Variants in DIAPH2 observed in about 807,000 individuals in gnomAD.
DIAPH2 encodes the protein diaphanous related formin 2, also known as protein diaphanous homolog 2.
DIAPH2 carries 35 observed loss-of-function variants against 92.7 expected under a neutral mutation model. The observed-to-expected ratio is 0.38, with a 90% CI of 0.29 to 0.50. DIAPH2 has a LOEUF of 0.50. Ranked by LOEUF, DIAPH2 falls within the 20% of genes least tolerant of loss-of-function variation. The pLI, the probability that DIAPH2 is intolerant of heterozygous loss-of-function variation, is 0.94. For synonymous variants in DIAPH2, 301 were observed against 280.4 expected, an observed-to-expected ratio of 1.07 and a Z score of -0.73; for missense variants, 701 against 819.5, an observed-to-expected ratio of 0.86 and a Z score of 1.77.
intron 23 of DIAPH2, among the ~76,000 whole-genome samples, chrX:97,298,219 G>C (rs1336993503): frequency 9.6e-6 from 1 of 104,537 alleles, no homozygotes; most frequent in African/African-American, 3.5e-5. Flanking sequence ...AGCAAAAACG[G>C]TATAAGTTTT....
Position 97,000,609 on chromosome X carries a change from A to G in DIAPH2, c.2050+35402A>G, listed in dbSNP as rs180700687. ...CAACATAGCAAGATGCCACCCCCAC[A>G]TACAAATGAATACACACACACACAC... On this transcript the variant is annotated intron_variant, in intron 17 of 26. Transcript: ENST00000324765. 4.2e-3 allele frequency among the ~76,000 whole-genome samples: 410 copies of G among 96,502 alleles called. 4 individuals carry two copies. Among genetic ancestry groups the G allele is most frequent in the African/African-American group, 0.014 (403 of 28,651 alleles). The allele number at this position is 96,502 out of a possible 115,157, so 83.8% of individuals were successfully genotyped here.
intron 4 of DIAPH2, among the ~76,000 whole-genome samples, chrX:96,777,834 T>G (rs1245546271): frequency 9.0e-6 from 1 of 111,669 alleles, no homozygotes; most frequent in African/African-American, 3.2e-5. Flanking sequence ...ATACCTTTAT[T>G]AAAGAAATTG....
intron 23 of DIAPH2, among the ~76,000 whole-genome samples, chrX:97,267,593 A>G (rs1418652475): frequency 9.0e-6 from 1 of 111,542 alleles, no homozygotes; most frequent in African/African-American, 3.3e-5. Flanking sequence ...TAACTTTTCA[A>G]CTTCTCAGAC....
chrX:97,126,077 TA>T (rs746622324), intron 21 of DIAPH2, among the ~76,000 whole-genome samples: 100 of 112,206 alleles, frequency 8.9e-4, no homozygotes, highest in African/African-American at 2.4e-3. Context: ...TTTCTGAGTA[TA>T]ATCTTATGAC....
intron 4 of DIAPH2, among the ~76,000 whole-genome samples, chrX:96,774,922 T>G (rs1185131236): frequency 8.9e-6 from 1 of 112,370 alleles, no homozygotes; most frequent in Non-Finnish European, 1.9e-5. Flanking sequence ...TCTCTACATA[T>G]TCACAATTCC....
At chrX:96,995,389 A>C (rs966003839) in intron 17 of DIAPH2, among the ~76,000 whole-genome samples, 1 of 111,746 alleles carries the variant, frequency 8.9e-6, no homozygotes, top group African/African-American at 3.3e-5. Flanking sequence ...ATGAATTGTT[A>C]AATCCTATTG....
chrX:97,460,934 C>G (rs1172253263), intron 26 of DIAPH2, among the ~76,000 whole-genome samples: 1 of 112,217 alleles, frequency 8.9e-6, no homozygotes, highest in East Asian at 2.8e-4. Flanking sequence ...TCGAATAGTT[C>G]GCTTGACCTT....
chrX:97,380,609 T>C (rs1426855590), intron 24 of DIAPH2, among the ~76,000 whole-genome samples: 1 of 111,811 alleles, frequency 8.9e-6, no homozygotes, highest in African/African-American at 3.2e-5. Context: ...TTTACATTTT[T>C]AGAAGGGTTA....
At chrX:97,441,547 G>A (rs1032511483) in intron 26 of DIAPH2, among the ~76,000 whole-genome samples, 2 of 111,973 alleles carry the variant, frequency 1.8e-5, no homozygotes, top group Non-Finnish European at 3.8e-5. Context: ...GCCAGGCGCA[G>A]TGGCTCACGC....
At chrX:96,796,085 A>G (rs1044741671) in intron 4 of DIAPH2, among the ~76,000 whole-genome samples, 1 of 112,190 alleles carries the variant, frequency 8.9e-6, no homozygotes, top group Admixed American at 9.4e-5. Flanking sequence ...CAAAGCCCCC[A>G]TGGATACCTA....
intron 16 of DIAPH2, among the ~76,000 whole-genome samples, chrX:96,964,445 A>G (rs766241323): frequency 9.0e-6 from 1 of 111,306 alleles, no homozygotes; most frequent in Admixed American, 9.6e-5. Context: ...TTCATGGTGT[A>G]TTGGAAGATA....
At chrX:97,144,563 A>G (rs1243914334) in intron 22 of DIAPH2, among the ~76,000 whole-genome samples, 1 of 109,896 alleles carries the variant, frequency 9.1e-6, no homozygotes, top group African/African-American at 3.3e-5. Context: ...GTATACAAAT[A>G]TTATGTATCA....
chrX:96,801,357 C>CTT (rs2147649204), intron 4 of DIAPH2, among the ~76,000 whole-genome samples: 1 of 111,948 alleles, frequency 8.9e-6, no homozygotes, highest in East Asian at 2.8e-4. Flanking sequence ...TTCCTGAAGT[C>CTT]TTTTATCTCT....
chrX:97,352,109 T>G (rs73258352), intron 24 of DIAPH2, among the ~76,000 whole-genome samples: 2,165 of 110,885 alleles, frequency 0.02, 80 homozygotes, highest in Non-Finnish European at 0.033. Flanking sequence ...TAAAAGCATA[T>G]TGGACTATAG....
At chrX:97,538,127 G>T (rs1312072537) in intron 26 of DIAPH2, among the ~76,000 whole-genome samples, 1 of 110,343 alleles carries the variant, frequency 9.1e-6, no homozygotes, top group Non-Finnish European at 1.9e-5. Flanking sequence ...CTCGTGATCT[G>T]CCCGCCTCGG....
Position 97,068,408 on chromosome X carries a change from GT to G in DIAPH2, c.2051-4527del, listed in dbSNP as rs764381396. On this transcript the variant is annotated intron_variant, in intron 17 of 26. Transcript: ENST00000324765. The stretch of plus-strand genomic sequence containing the variant: ...AACTACTACTACTGCTGTTATTTTT[GT>G]TTTTTAATACTCTCATCTGTTGTGT... Among the ~76,000 whole-genome samples the G allele has an allele frequency of 6.3e-5, 7 of 111,435 alleles. No individual in the cohort carries two copies. The East Asian group carries it at 2.0e-3, about 31-fold the overall frequency.
intron 1 of DIAPH2, among the ~76,000 whole-genome samples, chrX:96,703,428 C>T (rs1217822456): frequency 8.9e-6 from 1 of 112,020 alleles, no homozygotes; most frequent in Non-Finnish European, 1.9e-5. Flanking sequence ...CAAAATTAAA[C>T]ATGTACTGTA....
intron 1 of DIAPH2, among the ~76,000 whole-genome samples, chrX:96,715,023 G>GA (rs1326273955): frequency 8.9e-6 from 1 of 112,041 alleles, no homozygotes; most frequent in Non-Finnish European, 1.9e-5. Context: ...ACCTGGCAAG[G>GA]AAAACATTAG....
chrX:97,117,654 G>A (rs1020110778), intron 21 of DIAPH2, among the ~76,000 whole-genome samples: 1 of 112,218 alleles, frequency 8.9e-6, no homozygotes, highest in Non-Finnish European at 1.9e-5. Context: ...GATGTATCTT[G>A]TAGTAAGGTA....
Sources: allele counts gnomAD v4.1 joint callset (sites outside exome capture counted in the v4.1 genomes callset), GRCh38; gene constraint gnomAD v4.1.1; transcripts MANE v1.5; gene names NCBI Gene and HGNC (gene_info 2026-07-23, HGNC 2026-07-21).